The following MBNL2 variants were observed in gnomAD, a reference collection of about 807,000 sequenced individuals.
MBNL2 encodes the protein muscleblind-like protein 2.
In MBNL2, 17 loss-of-function variants were observed where a neutral mutation model predicts 41.9. The ratio of observed to expected loss-of-function variants is 0.41; its 90% confidence interval spans 0.28 to 0.61. MBNL2 has a LOEUF of 0.61. Ranked by LOEUF, MBNL2 falls within the 20% of genes least tolerant of loss-of-function variation. MBNL2 has a pLI of 0.35. For synonymous variants in MBNL2, 195 were observed against 182.9 expected (o/e 1.07, Z -0.53); for missense variants, 336 against 505.6 (o/e 0.66, Z 3.22).
intron 7 of MBNL2, 97 bp from the exon 8 acceptor site, chr13:97,365,039 G>T (rs1214857683): frequency 2.4e-6 from 2 of 820,646 alleles, no homozygotes. Flanking sequence ...ACTTATTTCT[G>T]GTTGTGCTTC....
the MBNL2 span, among the ~76,000 whole-genome samples, chr13:97,164,071 A>G: frequency 6.6e-6 from 1 of 152,216 alleles, no homozygotes; most frequent in African/African-American, 2.4e-5. Flanking sequence ...CAGCGGCACA[A>G]TCTTGGCTCA....
At chr13:97,343,253 T>C in intron 4 of MBNL2, 37 bp downstream of exon 4, 1 of 1,446,546 alleles carries the variant, frequency 6.9e-7, no homozygotes, top group South Asian at 1.3e-5. Context: ...CATGCATTTG[T>C]GGTAGAAATA....
chr13:97,350,867 C>T (rs1315457571), intron 5 of MBNL2, among the ~76,000 whole-genome samples: 2 of 152,178 alleles, frequency 1.3e-5, no homozygotes, highest in African/African-American at 4.8e-5. Context: ...CTTCCAAACT[C>T]CTGTTCATGT....
In MBNL2 at chr13:97,343,856, G is replaced by C. The variant is rs1025586536; in HGVS notation, c.540+640G>C. 4.6e-5 allele frequency among the ~76,000 whole-genome samples: 7 copies of C among 152,202 alleles called. No individual in the cohort carries two copies. The East Asian group carries it at 9.6e-4, about 21-fold the overall frequency. On this transcript the variant is annotated intron_variant, in intron 4 of 8. Transcript: ENST00000679496. The stretch of plus-strand genomic sequence containing the variant: ...AGTTTCGCTCTTGTTGCCCAGGCTG[G>C]AGTGCAATGGTGCAATCTTGGCTCA...
At chr13:97,357,870 A>C (rs1160663534) in intron 7 of MBNL2, 9 of 560,252 alleles carry the variant, frequency 1.6e-5, no homozygotes, top group Admixed American at 3.0e-5. Flanking sequence ...ACCCATGAGA[A>C]ACAGCAGTTA....
intron 1 of MBNL2, among the ~76,000 whole-genome samples, chr13:97,223,354 GAGA>G (rs1438284800): frequency 6.6e-6 from 1 of 152,214 alleles, no homozygotes; most frequent in African/African-American, 2.4e-5. Flanking sequence ...AGAAATGATG[GAGA>G]AGATTTATTT....
chr13:97,368,227 T>C (rs2064023726), intron 8 of MBNL2, among the ~76,000 whole-genome samples: 1 of 151,918 alleles, frequency 6.6e-6, no homozygotes, highest in Non-Finnish European at 1.5e-5. Flanking sequence ...CTGAGCAACA[T>C]GGTAAAATCT....
At chr13:97,378,616 T>TACAG in intron 8 of MBNL2, among the ~76,000 whole-genome samples, 1 of 152,314 alleles carries the variant, frequency 6.6e-6, no homozygotes, top group East Asian at 1.9e-4. Context: ...GAGATACACA[T>TACAG]ACAGAAAAGG....
At chr13:97,246,816 G>A (rs541158462) in intron 1 of MBNL2, among the ~76,000 whole-genome samples, 10 of 152,228 alleles carry the variant, frequency 6.6e-5, no homozygotes, top group African/African-American at 2.2e-4. Context: ...CATGGATATC[G>A]GCTTTATGAG....
At chr13:97,221,004 A>C (rs1020435697), upstream of MBNL2, among the ~76,000 whole-genome samples, 3 of 152,246 alleles carry the variant, frequency 2.0e-5, no homozygotes, top group African/African-American at 7.2e-5. Flanking sequence ...TGGGGAAGAC[A>C]AAGAATGTAA....
chr13:97,148,049 G>GA, the MBNL2 span, among the ~76,000 whole-genome samples: 3 of 152,146 alleles, frequency 2.0e-5, no homozygotes, highest in Non-Finnish European at 4.4e-5. Flanking sequence ...GAAAGAAGAG[G>GA]AGTCGGCATG....
At chr13:97,329,714 T>C (rs1268174754) in intron 2 of MBNL2, among the ~76,000 whole-genome samples, 117 of 486 alleles carry the variant, frequency 0.24, 2 homozygotes, top group Non-Finnish European at 0.25. Flanking sequence ...GCAGCACACA[T>C]ACAACATACA....
the MBNL2 span, among the ~76,000 whole-genome samples, chr13:97,144,093 C>G: frequency 6.6e-6 from 1 of 152,180 alleles, no homozygotes; most frequent in African/African-American, 2.4e-5. Context: ...ATCTGCCTTC[C>G]TCGGCCTCCC....
intron 1 of MBNL2, among the ~76,000 whole-genome samples, chr13:97,272,626 T>G (rs1313132967): frequency 6.6e-6 from 1 of 152,152 alleles, no homozygotes; most frequent in Admixed American, 6.5e-5. Flanking sequence ...TTGTATAAGG[T>G]GTAAGGCAGG....
At chr13:97,227,297 T>C (rs1323623664) in intron 1 of MBNL2, among the ~76,000 whole-genome samples, 2 of 152,086 alleles carry the variant, frequency 1.3e-5, no homozygotes, top group African/African-American at 4.8e-5. Flanking sequence ...TTTATGGGCA[T>C]TGACTGCAAG....
chr13:97,249,415 T>C (rs992762071), intron 1 of MBNL2, among the ~76,000 whole-genome samples: 12 of 152,262 alleles, frequency 7.9e-5, no homozygotes, highest in Admixed American at 7.8e-4. Context: ...TTTTATTTTC[T>C]GATGATAAAA....
intron 2 of MBNL2, among the ~76,000 whole-genome samples, chr13:97,291,633 G>A (rs1159095344): frequency 6.6e-6 from 1 of 152,058 alleles, no homozygotes; most frequent in African/African-American, 2.4e-5. Context: ...GGTGGCTCAC[G>A]CCTATAATCC....
At position 97,366,947 on chromosome 13, in the gene MBNL2, G is replaced by A. The variant is rs1028010798; in HGVS notation, c.1048+1776G>A. On this transcript the variant is annotated intron_variant, in intron 8 of 8. Coordinates refer to ENST00000679496, the MANE Select transcript of MBNL2 (RefSeq NM_001382683.1). The surrounding 1 kb of genome is among the most constrained non-coding windows in gnomAD (Gnocchi z 4.7). ...TCATTCAGACCCTATCATCTGTGTG[G>A]AGGAAAAAAATCTCCTCTTAGAAAG... Among the ~76,000 whole-genome samples the A allele has an allele frequency of 2.0e-5, 3 of 152,030 alleles. No homozygotes were observed. The highest frequency in any genetic ancestry group is 1.3e-4 in the Admixed American group (2 of 15,274).
intron 1 of MBNL2, among the ~76,000 whole-genome samples, chr13:97,251,442 C>G (rs941035985): frequency 4.4e-4 from 67 of 152,154 alleles, no homozygotes; most frequent in Non-Finnish European, 1.3e-4. Context: ...GATACACTTT[C>G]TTAACCCTGC....
Sources: allele counts gnomAD v4.1 joint callset (sites outside exome capture counted in the v4.1 genomes callset), GRCh38; gene constraint gnomAD v4.1.1; non-coding constraint Gnocchi (gnomAD v3.1); transcripts MANE v1.5; gene names NCBI Gene and HGNC (gene_info 2026-07-23, HGNC 2026-07-21).